Variants in CACNA2D1 observed in about 807,000 individuals in gnomAD.
CACNA2D1 encodes the protein calcium voltage-gated channel auxiliary subunit alpha2delta 1.
A neutral mutation model predicts 171.5 loss-of-function variants in CACNA2D1; 53 were observed. That is an observed-to-expected ratio of 0.31 (90% CI 0.25 to 0.39). The LOEUF is 0.39. Ranked by LOEUF, CACNA2D1 falls within the 10% of genes least tolerant of loss-of-function variation. The pLI, the probability that CACNA2D1 is intolerant of heterozygous loss-of-function variation, is 1.00. For missense variants in CACNA2D1, 903 were observed against 1,299.8 expected (o/e 0.69, Z 4.69); for synonymous variants, 442 against 443.1 (o/e 1.00, Z 0.03).
At chr7:82,005,649 T>C in intron 17 of CACNA2D1, 116 bp downstream of exon 17, 1 of 898,590 alleles carries the variant, frequency 1.1e-6, no homozygotes, top group Non-Finnish European at 1.8e-6. Flanking sequence ...TTTTAACCAT[T>C]TAGTTCCTTT....
At chr7:82,261,206 C>T (rs541040831) in intron 3 of CACNA2D1, among the ~76,000 whole-genome samples, 1 of 152,168 alleles carries the variant, frequency 6.6e-6, no homozygotes, top group Admixed American at 6.5e-5. Context: ...CTGCCCGCCT[C>T]GGCCTCCCAC....
intron 3 of CACNA2D1, among the ~76,000 whole-genome samples, chr7:82,254,870 A>C (rs1806107375): frequency 6.6e-6 from 1 of 152,138 alleles, no homozygotes. Context: ...GGTACAGTTC[A>C]TTACCTTGTT....
At chr7:82,248,026 A>ACCAC (rs1274160344) in intron 3 of CACNA2D1, among the ~76,000 whole-genome samples, 1 of 152,108 alleles carries the variant, frequency 6.6e-6, no homozygotes, top group Non-Finnish European at 1.5e-5. Flanking sequence ...CCACCTATCT[A>ACCAC]CCACCTTTAA....
chr7:82,156,345 C>T (rs1794370950), intron 4 of CACNA2D1, among the ~76,000 whole-genome samples: 1 of 152,066 alleles, frequency 6.6e-6, no homozygotes, highest in South Asian at 2.1e-4. Context: ...CAGCAGGAAG[C>T]CCTTTATAAC....
chr7:82,208,905 T>C (rs1287040705), intron 3 of CACNA2D1, among the ~76,000 whole-genome samples: 2 of 152,208 alleles, frequency 1.3e-5, no homozygotes, highest in African/African-American at 4.8e-5. Flanking sequence ...CATTCTACAA[T>C]GTTTACATAT....
At chr7:82,218,952 T>A (rs1554467814) in intron 3 of CACNA2D1, among the ~76,000 whole-genome samples, 1 of 152,190 alleles carries the variant, frequency 6.6e-6, no homozygotes, top group Non-Finnish European at 1.5e-5. Context: ...CATATGTGGC[T>A]AAGTTTTGCC....
chr7:82,250,849 A>G (rs191003274), intron 3 of CACNA2D1, among the ~76,000 whole-genome samples: 2 of 152,094 alleles, frequency 1.3e-5, no homozygotes, highest in African/African-American at 2.4e-5. Context: ...TATCACTAGC[A>G]TTTTTCCCAG....
At chr7:82,392,793 AT>A (rs1321000248) in intron 1 of CACNA2D1, among the ~76,000 whole-genome samples, 3 of 152,154 alleles carry the variant, frequency 2.0e-5, no homozygotes, top group African/African-American at 7.2e-5. Context: ...CTTTTCCCAT[AT>A]CAATACAACA....
intron 1 of CACNA2D1, among the ~76,000 whole-genome samples, chr7:82,430,417 C>CCAA (rs33981059): frequency 7.7e-6 from 1 of 129,512 alleles, no homozygotes; most frequent in Non-Finnish European, 1.6e-5. Flanking sequence ...GACTCCATCT[C>CCAA]AAAAAAAAAA....
At chr7:82,413,457 G>C (rs1337961732) in intron 1 of CACNA2D1, among the ~76,000 whole-genome samples, 1 of 152,132 alleles carries the variant, frequency 6.6e-6, no homozygotes, top group Admixed American at 6.5e-5. Context: ...TCTCCCTGGG[G>C]AGCCCCAGGA....
intron 2 of CACNA2D1, chr7:82,343,078 C>T (rs923414629): frequency 6.6e-6 from 1 of 152,154 alleles, no homozygotes; most frequent in African/African-American, 2.4e-5. Flanking sequence ...TATATAAATG[C>T]ATAATTTGGT....
At chr7:82,124,310 T>G (rs1048532185) in intron 5 of CACNA2D1, among the ~76,000 whole-genome samples, 2 of 152,108 alleles carry the variant, frequency 1.3e-5, no homozygotes, top group African/African-American at 4.8e-5. Context: ...ACTACTTCCT[T>G]TGCAAAACCC....
chr7:81,987,734 T>C (rs1797116860), intron 21 of CACNA2D1, among the ~76,000 whole-genome samples: 1 of 152,072 alleles, frequency 6.6e-6, no homozygotes, highest in African/African-American at 2.4e-5. Context: ...TGGCCCAAAG[T>C]TGGAGACTTG....
At chr7:82,112,856 G>T (rs796792543) in intron 6 of CACNA2D1, among the ~76,000 whole-genome samples, 1 of 152,064 alleles carries the variant, frequency 6.6e-6, no homozygotes, top group African/African-American at 2.4e-5. Context: ...AAGATACAGC[G>T]GCTATATCTT....
chr7:82,131,965 G>A (rs1384342505), intron 5 of CACNA2D1, among the ~76,000 whole-genome samples: 1 of 152,070 alleles, frequency 6.6e-6, no homozygotes, highest in Non-Finnish European at 1.5e-5. Context: ...ATCCATAGGA[G>A]TCTAACTTCA....
chr7:82,273,866 C>T (rs1315626098), intron 3 of CACNA2D1, among the ~76,000 whole-genome samples: 1 of 152,088 alleles, frequency 6.6e-6, no homozygotes, highest in African/African-American at 2.4e-5. Flanking sequence ...AATATTTATA[C>T]CTGGGTGTAG....
chr7:82,289,368 T>C (rs997010833), intron 3 of CACNA2D1, among the ~76,000 whole-genome samples: 6 of 152,162 alleles, frequency 3.9e-5, no homozygotes, highest in African/African-American at 1.2e-4. Flanking sequence ...CTCTCAGATA[T>C]GCCAATTCGC....
intron 6 of CACNA2D1, among the ~76,000 whole-genome samples, chr7:82,107,830 C>T (rs929354385): frequency 1.3e-5 from 2 of 152,026 alleles, no homozygotes; most frequent in East Asian, 1.9e-4. Context: ...ATGATCCGCC[C>T]GCCTCTGCCT....
At chr7:82,277,590 T>C (rs1014172714) in intron 3 of CACNA2D1, among the ~76,000 whole-genome samples, 3 of 152,100 alleles carry the variant, frequency 2.0e-5, no homozygotes, top group Admixed American at 1.3e-4. Context: ...ATTGCCTTAG[T>C]AGGGTTGTGA....
Sources: allele counts gnomAD v4.1 joint callset (sites outside exome capture counted in the v4.1 genomes callset), GRCh38; gene constraint gnomAD v4.1.1; transcripts MANE v1.5; gene names NCBI Gene and HGNC (gene_info 2026-07-23, HGNC 2026-07-21).